The following DMD variants were observed in gnomAD, a reference collection of about 807,000 sequenced individuals.
The protein encoded by DMD is dystrophin, also known as mutant dystrophin.
In DMD, 63 loss-of-function variants were observed where a neutral mutation model predicts 330.1. That is an observed-to-expected ratio of 0.19 (90% CI 0.16 to 0.24). The LOEUF (loss-of-function observed/expected upper bound fraction) is 0.24. Ranked by LOEUF, DMD falls within the 10% of genes least tolerant of loss-of-function variation. DMD has a pLI of 1.00. For synonymous variants in DMD, 1,223 were observed against 959.8 expected, an observed-to-expected ratio of 1.27 and a Z score of -5.07; for missense variants, 3,344 against 2,684.1, an observed-to-expected ratio of 1.25 and a Z score of -5.43.
chrX:32,040,388 T>A (rs1044649353), intron 44 of DMD, among the ~76,000 whole-genome samples: 2 of 112,419 alleles, frequency 1.8e-5, no homozygotes, highest in African/African-American at 6.5e-5. Context: ...TTTGGTTCAC[T>A]GGCCCTTTAA....
intron 1 of DMD, among the ~76,000 whole-genome samples, chrX:33,235,289 A>G (rs1048238560): frequency 9.0e-6 from 1 of 111,545 alleles, no homozygotes; most frequent in African/African-American, 3.3e-5. Context: ...AAAGGCCTCC[A>G]TTTTCAAGCT....
intron 51 of DMD, among the ~76,000 whole-genome samples, chrX:31,760,942 A>ATTTTTT (rs35766737): frequency 1.2e-5 from 1 of 80,914 alleles, no homozygotes; most frequent in Non-Finnish European, 2.3e-5. Flanking sequence ...CCTAGTTAGT[A>ATTTTTT]TTTTTTTTTT....
chrX:32,454,692 A>G lies in DMD; in HGVS notation c.3573T>C (p.Asp1191=). ...LERDFEYKTP[D]ELQKAVEEMK... is the part of the protein sequence containing the mutation. ...TCTCTTCAACTGCTTTCTGTAATTCATCTGGAGTTTTATATTCAAAATCTC... is the reference window on the plus strand; with the variant it reads ...TCTCTTCAACTGCTTTCTGTAATTCGTCTGGAGTTTTATATTCAAAATCTC... Residue 1191 remains aspartate, a synonymous_variant, in exon 26 of 79, where the codon GAT becomes GAC. Coordinates refer to ENST00000357033, the MANE Select transcript of DMD (RefSeq NM_004006.3). 1 of 1,178,876 alleles carries G rather than the reference A, an allele frequency of 8.5e-7. No homozygotes were observed. Among genetic ancestry groups the G allele is most frequent in the Non-Finnish European group, 1.1e-6 (1 of 881,312 alleles).
At chrX:31,600,997 TG>T in intron 55 of DMD, among the ~76,000 whole-genome samples, 1 of 110,611 alleles carries the variant, frequency 9.0e-6, no homozygotes, top group Non-Finnish European at 1.9e-5. Flanking sequence ...TACCCTAATC[TG>T]AATGTGCCAT....
chrX:32,910,278 A>G (rs1358349896), intron 2 of DMD, among the ~76,000 whole-genome samples: 1 of 111,528 alleles, frequency 9.0e-6, no homozygotes, highest in Admixed American at 9.5e-5. Flanking sequence ...GAAAATGATT[A>G]TGTAGGACAG....
At chrX:31,962,682 A>T (rs1244123688) in intron 45 of DMD, among the ~76,000 whole-genome samples, 2 of 112,220 alleles carry the variant, frequency 1.8e-5, no homozygotes, top group African/African-American at 6.5e-5. Flanking sequence ...CTCAATTTTT[A>T]AAAGTTGTCA....
At chrX:31,958,120 TA>T (rs201297224) in intron 45 of DMD, among the ~76,000 whole-genome samples, 157 of 93,006 alleles carry the variant, frequency 1.7e-3, no homozygotes, top group East Asian at 4.8e-3. Context: ...TTTTTTTTTT[TA>T]AAAATGGTAC....
chrX:31,218,929 T>C (rs768028786), intron 64 of DMD, among the ~76,000 whole-genome samples: 1 of 111,509 alleles, frequency 9.0e-6, no homozygotes, highest in South Asian at 3.9e-4. Flanking sequence ...TGCATCATTC[T>C]AGCCTCTCAG....
chrX:31,641,364 G>T (rs1003980677), intron 54 of DMD, among the ~76,000 whole-genome samples: 1 of 109,843 alleles, frequency 9.1e-6, no homozygotes, highest in South Asian at 4.0e-4. Flanking sequence ...TTAGCAGGGC[G>T]TGGTGGTGGG....
At chrX:32,080,081 A>C (rs867239619) in intron 44 of DMD, among the ~76,000 whole-genome samples, 2 of 112,684 alleles carry the variant, frequency 1.8e-5, no homozygotes, top group African/African-American at 6.5e-5. Context: ...TCATAATATA[A>C]GAGGAATCAT....
At chrX:33,250,622 A>G (rs1291668336) in intron 1 of DMD, among the ~76,000 whole-genome samples, 1 of 111,395 alleles carries the variant, frequency 9.0e-6, no homozygotes, top group Non-Finnish European at 1.9e-5. Context: ...TTTTTAATTC[A>G]AGGTAAGTTT....
chrX:31,361,357 C>T (rs944439827), intron 60 of DMD, among the ~76,000 whole-genome samples: 1 of 111,559 alleles, frequency 9.0e-6, no homozygotes, highest in African/African-American at 3.3e-5. Context: ...GTATGTTCAT[C>T]GTGTGGTGGA....
chrX:32,197,274 G>A (rs2097010381), intron 44 of DMD, among the ~76,000 whole-genome samples: 1 of 110,867 alleles, frequency 9.0e-6, no homozygotes, highest in African/African-American at 3.3e-5. Flanking sequence ...CATGGAGAAC[G>A]GGGTATCCAT....
intron 59 of DMD, among the ~76,000 whole-genome samples, chrX:31,459,971 A>AT (rs889944203): frequency 8.1e-4 from 91 of 111,733 alleles, no homozygotes; most frequent in African/African-American, 2.8e-3. Context: ...GTAAAATTTC[A>AT]TTTTTTCTCA....
rs1430845750 is a variant in DMD, at chrX:31,861,006, A to C, written c.7098+14182T>G. Among the ~76,000 whole-genome samples the C allele has an allele frequency of 1.2e-4, 14 of 112,321 alleles. No individual in the cohort carries two copies. The Admixed American group carries it at 1.3e-3, about 11-fold the overall frequency. On this transcript the variant is annotated intron_variant, in intron 48 of 78. Coordinates refer to ENST00000357033, the MANE Select transcript of DMD (RefSeq NM_004006.3). Reference sequence around the variant, plus strand: ...GTTTTCAGGTTATAACCTTAAGACTAGAATCTGTCTGTTGTAGAAAACATT... The same window carrying C: ...GTTTTCAGGTTATAACCTTAAGACTCGAATCTGTCTGTTGTAGAAAACATT...
chrX:33,194,766 A>G (rs1292832826), intron 1 of DMD, among the ~76,000 whole-genome samples: 2 of 111,575 alleles, frequency 1.8e-5, no homozygotes, highest in African/African-American at 3.3e-5. Flanking sequence ...GCCTGTGCAT[A>G]CCAGATCTGT....
At chrX:32,459,961 G>T (rs2098377342) in intron 25 of DMD, among the ~76,000 whole-genome samples, 1 of 110,538 alleles carries the variant, frequency 9.0e-6, no homozygotes, top group Admixed American at 9.7e-5. Flanking sequence ...TTCCTTTGCT[G>T]TGCAGAAGCT....
At chrX:31,681,601 T>C (rs1053640349) in intron 52 of DMD, among the ~76,000 whole-genome samples, 8 of 112,678 alleles carry the variant, frequency 7.1e-5, no homozygotes, top group Middle Eastern at 4.6e-3. Context: ...CCAAAGGGCA[T>C]GGGAGCCCAA....
intron 11 of DMD, among the ~76,000 whole-genome samples, chrX:32,641,269 G>A (rs1250938284): frequency 9.1e-6 from 1 of 109,504 alleles, no homozygotes; most frequent in African/African-American, 3.3e-5. Context: ...TTGGCTGCCA[G>A]CCTCTACAGA....
Sources: gnomAD v4.1 joint callset for allele counts (sites outside exome capture counted in the v4.1 genomes callset) on GRCh38, gnomAD v4.1.1 for gene constraint, MANE v1.5 for transcripts, NCBI Gene and HGNC (gene_info 2026-07-23, HGNC 2026-07-21) for gene names.